The following CDK15 variants were observed in gnomAD, a reference collection of about 807,000 sequenced individuals.
The protein encoded by CDK15 is cyclin-dependent kinase 15.
CDK15 carries 62 observed loss-of-function variants against 60.3 expected under a neutral mutation model. That is an observed-to-expected ratio of 1.03 (90% CI 0.84 to 1.27). CDK15 has a LOEUF of 1.27. Ranked by LOEUF, CDK15 falls within the 50% of genes most tolerant of loss-of-function variation. The probability of loss-of-function intolerance (pLI) is 0.00; values close to 1 mark genes in which losing one functional copy is unlikely to be tolerated. For synonymous variants in CDK15, 194 were observed against 195.7 expected, an observed-to-expected ratio of 0.99 and a Z score of 0.07; for missense variants, 541 against 527.8, an observed-to-expected ratio of 1.03 and a Z score of -0.25.
chr2:201,822,172 C>T (rs1696256359), intron 4 of CDK15, among the ~76,000 whole-genome samples: 1 of 152,188 alleles, frequency 6.6e-6, no homozygotes, highest in Non-Finnish European at 1.5e-5. Flanking sequence ...TCAGCCTTCT[C>T]CACTTTCACC....
chr2:201,830,465 C>T (rs927098180), intron 6 of CDK15, among the ~76,000 whole-genome samples: 1 of 152,112 alleles, frequency 6.6e-6, no homozygotes, highest in African/African-American at 2.4e-5. Context: ...TTGTGAATGA[C>T]ACAATCGTTG....
chr2:201,823,703 AG>A lies in CDK15; in HGVS notation c.585del (p.Leu196PhefsTer30), dbSNP rs745755414. 4 of 1,613,864 alleles carry A rather than the reference AG, an allele frequency of 2.5e-6. No individual in the cohort carries two copies. In the Admixed American group the frequency reaches 6.7e-5, roughly 27 times the overall value. Reference sequence around the variant, plus strand: ...CCCAGTATATGTCTCAGCATCCAGGAGGGCTTCATCCTCATAATGTCAGAGT... The same window carrying A: ...CCCAGTATATGTCTCAGCATCCAGGAGGCTTCATCCTCATAATGTCAGAGT... ...LAQYMSQHPG[G>X]LHPHNVRLFM... is the part of the protein sequence containing the mutation. On this transcript the variant is annotated frameshift_variant, in exon 6 of 14. Coordinates refer to ENST00000652192, the MANE Select transcript of CDK15 (RefSeq NM_001366386.2). LOFTEE classifies it high-confidence loss of function.
chr2:201,823,574 C>T lies in CDK15; in HGVS notation c.544-91C>T, dbSNP rs563115777. On this transcript the variant is annotated intron_variant, in intron 5 of 13. Coordinates refer to ENST00000652192, the MANE Select transcript of CDK15 (RefSeq NM_001366386.2). ...TCTTAAAATTCTGTACTTCGTAATA[C>T]CTTCTGACAGTCAAGTCAATGTTCT... The T allele has an allele frequency of 1.4e-5, 16 of 1,157,030 alleles. No individual in the cohort carries two copies. In the African/African-American group the frequency reaches 2.1e-4, roughly 15 times the overall value. 71.7% of individuals were successfully genotyped at this position (1,157,030 alleles called of 1,614,324 possible). A position where few individuals can be genotyped will look rare whatever the true frequency, so the allele number is the denominator to read the frequency against.
chr2:201,835,531 G>A (rs932178635), intron 7 of CDK15, 112 bp from the exon 8 acceptor site: 1 of 1,160,790 alleles, frequency 8.6e-7, no homozygotes, highest in African/African-American at 1.5e-5. Flanking sequence ...TCTACTAAAA[G>A]CACCTAAAGT....
intron 6 of CDK15, among the ~76,000 whole-genome samples, chr2:201,827,713 C>G (rs1169245590): frequency 6.6e-6 from 1 of 152,056 alleles, no homozygotes; most frequent in East Asian, 1.9e-4. Flanking sequence ...CTCAAATTAT[C>G]TTCCCAGCTC....
intron 6 of CDK15, among the ~76,000 whole-genome samples, chr2:201,831,798 A>G (rs1696763261): frequency 2.6e-5 from 4 of 152,058 alleles, no homozygotes; most frequent in African/African-American, 9.7e-5. Context: ...CTTCCCTGTC[A>G]TGTTTTCATT....
intron 11 of CDK15, among the ~76,000 whole-genome samples, chr2:201,878,419 A>C (rs1699160465): frequency 6.6e-6 from 1 of 152,104 alleles, no homozygotes. Flanking sequence ...GATCCCTGTC[A>C]GTCAAGGCCT....
Position 201,890,942 on chromosome 2 carries a change from C to A in CDK15, c.*33+15C>A. 7.3e-7 allele frequency: 1 copy of A among 1,378,016 alleles called. No individual in the cohort carries two copies. The highest frequency in any genetic ancestry group is 1.0e-6 in the Non-Finnish European group (1 of 973,954). The allele number at this position is 1,378,016 out of a possible 1,614,324, so 85.4% of individuals were successfully genotyped here. ...GGTTCTTCCAGGTAAGTGGTTGCAA[C>A]AGTGAGGTTCCTTATGGAACAAATT... On this transcript the variant is annotated intron_variant, in intron 13 of 13. Coordinates refer to ENST00000652192, the MANE Select transcript of CDK15 (RefSeq NM_001366386.2).
Position 201,880,891 on chromosome 2 carries a change from A to G in CDK15, c.1198+724A>G, listed in dbSNP as rs149387776. Among the ~76,000 whole-genome samples the G allele has an allele frequency of 5.2e-3, 788 of 152,144 alleles. 5 individuals carry two copies. Among genetic ancestry groups the G allele is most frequent in the African/African-American group, 0.018 (733 of 41,510 alleles). ...AGGTTTCTTTGAAAAAAAATCCACC[A>G]TTCAACTAAAAATAGTTTTAGGAGC... On this transcript the variant is annotated intron_variant, in intron 12 of 13. Coordinates refer to ENST00000652192, the MANE Select transcript of CDK15 (RefSeq NM_001366386.2).
chr2:201,844,847 T>C (rs1030887393), intron 8 of CDK15, among the ~76,000 whole-genome samples: 1 of 151,596 alleles, frequency 6.6e-6, no homozygotes, highest in African/African-American at 2.4e-5. Context: ...CCAAATTGGC[T>C]TTTTAAAAAT....
intron 11 of CDK15, among the ~76,000 whole-genome samples, chr2:201,877,839 G>A (rs887500776): frequency 2.6e-5 from 4 of 152,192 alleles, no homozygotes; most frequent in Admixed American, 2.6e-4. Flanking sequence ...TTTGAAAGTA[G>A]TTATCTGTTT....
At chr2:201,848,943 C>T (rs1233629257) in intron 9 of CDK15, among the ~76,000 whole-genome samples, 2 of 151,976 alleles carry the variant, frequency 1.3e-5, no homozygotes, top group East Asian at 1.9e-4. Flanking sequence ...AAAATCCAAG[C>T]CAAAAGACTT....
chr2:201,835,431 C>T (rs914888498), intron 7 of CDK15, among the ~76,000 whole-genome samples: 2 of 152,110 alleles, frequency 1.3e-5, no homozygotes, highest in African/African-American at 4.8e-5. Context: ...CACCCAGCTG[C>T]CAAGAAGGCC....
chr2:201,833,783 AT>A, intron 6 of CDK15, 64 bp from the exon 7 acceptor site: 2 of 1,380,172 alleles, frequency 1.4e-6, no homozygotes, highest in Non-Finnish European at 1.9e-6. Flanking sequence ...ACTGTTTTTG[AT>A]TTAGAGGCGA....
At chr2:201,815,892 TA>T (rs1458584473) in intron 4 of CDK15, among the ~76,000 whole-genome samples, 3 of 152,178 alleles carry the variant, frequency 2.0e-5, no homozygotes, top group African/African-American at 7.2e-5. Context: ...GTTGTAGAGA[TA>T]AAGAAATTCT....
intron 4 of CDK15, among the ~76,000 whole-genome samples, chr2:201,818,623 A>G (rs1462978179): frequency 6.6e-6 from 1 of 152,236 alleles, no homozygotes; most frequent in Non-Finnish European, 1.5e-5. Flanking sequence ...AATGATAAAC[A>G]ATACTGTGAG....
In CDK15 at chr2:201,866,376, T is replaced by C. The variant is rs139892055; in HGVS notation, c.1010-5902T>C. On this transcript the variant is annotated intron_variant, in intron 10 of 13. Transcript: ENST00000652192. ...CTAAGGTTACCAGATTTGAATTCCG[T>C]TGTGAAATGAGCTTTATTAAATATT... 5.3e-5 allele frequency among the ~76,000 whole-genome samples: 8 copies of C among 152,262 alleles called. No homozygotes were observed. The East Asian group carries it at 1.4e-3, about 26-fold the overall frequency.
At chr2:201,860,343 G>A (rs146251783) in intron 10 of CDK15, among the ~76,000 whole-genome samples, 63 of 152,346 alleles carry the variant, frequency 4.1e-4, no homozygotes, top group African/African-American at 1.4e-3. Flanking sequence ...AACAGTGCAT[G>A]ACATTAGTCA....
intron 10 of CDK15, among the ~76,000 whole-genome samples, chr2:201,860,450 T>C (rs16838312): frequency 0.3 from 45,135 of 152,148 alleles, 8,492 homozygotes; most frequent in Admixed American, 0.47. Context: ...GGGAATAGGG[T>C]CCACAGAGGC....
Sources: gnomAD v4.1 joint callset for allele counts (sites outside exome capture counted in the v4.1 genomes callset) on GRCh38, gnomAD v4.1.1 for gene constraint, MANE v1.5 for transcripts, NCBI Gene and HGNC (gene_info 2026-07-23, HGNC 2026-07-21) for gene names.